The following TNRC6C variants were observed in gnomAD, a reference collection of about 807,000 sequenced individuals.
TNRC6C encodes the protein trinucleotide repeat-containing gene 6C protein.
In TNRC6C, 20 loss-of-function variants were observed where a neutral mutation model predicts 153.7. The observed-to-expected ratio is 0.13, with a 90% CI of 0.09 to 0.19. TNRC6C has a LOEUF of 0.19. TNRC6C is among the 10% of genes least tolerant of loss of function. The pLI is 1.00. For synonymous variants in TNRC6C, 811 were observed against 841.4 expected (o/e 0.96, Z 0.63); for missense variants, 1,987 against 2,172.0 (o/e 0.91, Z 1.69).
upstream of TNRC6C, among the ~76,000 whole-genome samples, chr17:78,004,776 A>G (rs538528475): frequency 3.0e-4 from 46 of 152,284 alleles, no homozygotes; most frequent in African/African-American, 1.1e-3. Context: ...AGTTTAATGT[A>G]TCTTGTAGTT....
At chr17:77,960,417 A>G (rs1023133610) in intron 1 of TNRC6C, among the ~76,000 whole-genome samples, 17 of 152,198 alleles carry the variant, frequency 1.1e-4, no homozygotes, top group African/African-American at 3.6e-4. Context: ...GATCGCTGTG[A>G]GAGCCTCGTA....
chr17:77,963,773 G>C (rs2070878131), intron 1 of TNRC6C, among the ~76,000 whole-genome samples: 1 of 152,216 alleles, frequency 6.6e-6, no homozygotes, highest in African/African-American at 2.4e-5. Context: ...TATTCTCTGT[G>C]TCTCTCTGAG....
chr17:77,974,816 G>T (rs16970708), intron 1 of TNRC6C, among the ~76,000 whole-genome samples: 4,213 of 152,260 alleles, frequency 0.028, 176 homozygotes, highest in African/African-American at 0.096. Flanking sequence ...GTTCTGTAGA[G>T]TTCACCGAGG....
chr17:77,960,121 C>T (rs910488844), intron 1 of TNRC6C, among the ~76,000 whole-genome samples: 2 of 152,112 alleles, frequency 1.3e-5, no homozygotes, highest in Non-Finnish European at 2.9e-5. Flanking sequence ...AGGCATTTGA[C>T]GGTATTGGTG....
upstream of TNRC6C, among the ~76,000 whole-genome samples, chr17:78,001,517 A>G (rs1299951325): frequency 1.3e-5 from 2 of 152,232 alleles, no homozygotes; most frequent in African/African-American, 4.8e-5. Flanking sequence ...TAACATTCAC[A>G]CCATGGTACA....
chr17:78,004,222 AAG>A, upstream of TNRC6C: 1 of 1,231,854 alleles, frequency 8.1e-7, no homozygotes, highest in Non-Finnish European at 1.0e-6. Context: ...AGAAAAGAAA[AAG>A]AAAAAGCAGG....
At chr17:78,007,135 G>A (rs1197563459) in intron 1 of TNRC6C, among the ~76,000 whole-genome samples, 1 of 152,084 alleles carries the variant, frequency 6.6e-6, no homozygotes, top group Non-Finnish European at 1.5e-5. Context: ...GTGAGCCACC[G>A]CACCTGGCCT....
rs1204406250 is a variant in TNRC6C at position 78,079,670 on chromosome 17, TC to T, written c.3357+130del. On this transcript the variant is annotated intron_variant, in intron 10 of 19. Coordinates refer to ENST00000301624, the Ensembl canonical transcript of TNRC6C. This position sits in a 1 kb window ranked among gnomAD's most constrained non-coding sequence, Gnocchi z 4.3. ...TTAATCCATGTTTAAGAGAAGGCCT[TC>T]TGGTTTTTAACCTATAAATTAATTT... The T allele has an allele frequency of 2.4e-6, 3 of 1,245,454 alleles. No individual in the cohort carries two copies. The highest frequency in any genetic ancestry group is 2.4e-5 in the Admixed American group (1 of 42,414). The allele number at this position is 1,245,454 out of a possible 1,614,324, so 77.2% of individuals were successfully genotyped here.
At chr17:78,092,993 A>C in exon 15 of TNRC6C, 1 of 1,613,848 alleles carries the variant, frequency 6.2e-7, no homozygotes, top group African/African-American at 1.3e-5. Flanking sequence ...GATGACTCCT[A>C]TGGCCGGTAC....
intron 16 of TNRC6C, among the ~76,000 whole-genome samples, chr17:78,095,178 A>C (rs1214627987): frequency 6.6e-6 from 1 of 152,244 alleles, no homozygotes; most frequent in Non-Finnish European, 1.5e-5. Context: ...ATGAAGCATC[A>C]GGTAGCCCCT....
At chr17:77,968,014 G>GTTATTATTC (rs1344939401) in intron 1 of TNRC6C, among the ~76,000 whole-genome samples, 1 of 152,096 alleles carries the variant, frequency 6.6e-6, no homozygotes, top group Non-Finnish European at 1.5e-5. Flanking sequence ...TTGAGATGTA[G>GTTATTATTC]TTATTATTCT....
chr17:78,077,220 G>A (rs375883260), exon 9 of TNRC6C: 91 of 1,602,134 alleles, frequency 5.7e-5, no homozygotes, highest in Admixed American at 1.4e-4. Flanking sequence ...CGCCTTCACC[G>A]TTCTTGCCTT....
intron 1 of TNRC6C, among the ~76,000 whole-genome samples, chr17:77,973,362 T>G (rs2070956298): frequency 6.6e-6 from 1 of 152,088 alleles, no homozygotes; most frequent in South Asian, 2.1e-4. Flanking sequence ...AGCACATATA[T>G]GAAAAACCAT....
chr17:78,039,116 G>T (rs2072240148), intron 2 of TNRC6C, among the ~76,000 whole-genome samples: 1 of 152,212 alleles, frequency 6.6e-6, no homozygotes, highest in South Asian at 2.1e-4. Context: ...GTTGGAACGT[G>T]TCGAGAGGCA....
At chr17:78,085,142 G>C (rs1340480489) in intron 11 of TNRC6C, among the ~76,000 whole-genome samples, 1 of 152,140 alleles carries the variant, frequency 6.6e-6, no homozygotes, top group East Asian at 1.9e-4. Context: ...ATCGCTTTCT[G>C]CCACTAGATG....
chr17:78,099,813 A>G (rs1190370781), intron 17 of TNRC6C, among the ~76,000 whole-genome samples: 2 of 152,190 alleles, frequency 1.3e-5, no homozygotes, highest in African/African-American at 2.4e-5. Context: ...CCACAGTCCA[A>G]AGTCTCATCT....
chr17:77,967,234 T>G (rs1381096428), intron 1 of TNRC6C, among the ~76,000 whole-genome samples: 1 of 152,136 alleles, frequency 6.6e-6, no homozygotes, highest in Non-Finnish European at 1.5e-5. Flanking sequence ...GATTAATGCT[T>G]TGCAAAAAAA....
intron 1 of TNRC6C, among the ~76,000 whole-genome samples, chr17:78,020,355 A>AT (rs373517056): frequency 1.5e-4 from 23 of 152,258 alleles, no homozygotes; most frequent in African/African-American, 5.5e-4. Context: ...GCTTTGTGGC[A>AT]TTTTTTTCTG....
At chr17:78,091,378 A>C (rs2073390816) in intron 13 of TNRC6C, 62 bp from the exon 16 acceptor site, 1 of 1,441,004 alleles carries the variant, frequency 6.9e-7, no homozygotes, top group Non-Finnish European at 9.2e-7. Context: ...CTTCTATAGG[A>C]GAGCTTTAGA....
Sources: allele counts gnomAD v4.1 joint callset (sites outside exome capture counted in the v4.1 genomes callset), GRCh38; gene constraint gnomAD v4.1.1; non-coding constraint Gnocchi (gnomAD v3.1); transcripts MANE v1.5; gene names NCBI Gene and HGNC (gene_info 2026-07-23, HGNC 2026-07-21).